KIF13B: variants seen among roughly 807,000 people sequenced by gnomAD.
The protein encoded by KIF13B is kinesin family member 13B.
In KIF13B, 127 loss-of-function variants were observed where a neutral mutation model predicts 222.0. The observed-to-expected ratio is 0.57, with a 90% CI of 0.50 to 0.66. The LOEUF (loss-of-function observed/expected upper bound fraction) is 0.66. KIF13B is among the 30% of genes least tolerant of loss of function. The probability of loss-of-function intolerance (pLI) is 0.00; values close to 1 mark genes in which losing one functional copy is unlikely to be tolerated. For synonymous variants in KIF13B, 976 were observed against 919.0 expected (o/e 1.06, Z -1.12); for missense variants, 2,173 against 2,379.0 (o/e 0.91, Z 1.80).
At chr8:29,134,553 T>C (rs1336609560) in intron 21 of KIF13B, among the ~76,000 whole-genome samples, 1 of 152,226 alleles carries the variant, frequency 6.6e-6, no homozygotes, top group Admixed American at 6.5e-5. Flanking sequence ...TTCAATGATA[T>C]GAACTTGGCT....
At chr8:29,175,400 G>A (rs778323808) in intron 10 of KIF13B, among the ~76,000 whole-genome samples, 11 of 151,988 alleles carry the variant, frequency 7.2e-5, no homozygotes, top group Non-Finnish European at 1.3e-4. Context: ...TCTCCCTTAC[G>A]AGCCAGAGAG....
chr8:29,159,025 C>T (rs755452135), intron 13 of KIF13B, among the ~76,000 whole-genome samples: 2 of 152,208 alleles, frequency 1.3e-5, no homozygotes, highest in Non-Finnish European at 2.9e-5. Context: ...ATTCTAACAT[C>T]GCATCTCTTC....
chr8:29,135,896 ACAAACAAG>A (rs1212889259), intron 21 of KIF13B, among the ~76,000 whole-genome samples: 3 of 152,308 alleles, frequency 2.0e-5, no homozygotes, highest in East Asian at 1.9e-4. Context: ...GTCTCAAAAA[ACAAACAAG>A]CAAACAAGCA....
At chr8:29,156,504 A>C (rs1271656998) in intron 13 of KIF13B, among the ~76,000 whole-genome samples, 2 of 151,340 alleles carry the variant, frequency 1.3e-5, no homozygotes, top group African/African-American at 2.4e-5. Context: ...AGTCTTAGTC[A>C]CTTATTTTTT....
chr8:29,181,374 T>A (rs1403234551), intron 7 of KIF13B, among the ~76,000 whole-genome samples: 1 of 152,166 alleles, frequency 6.6e-6, no homozygotes, highest in African/African-American at 2.4e-5. Flanking sequence ...GCACCTACCA[T>A]AGGACAGGTA....
intron 31 of KIF13B, among the ~76,000 whole-genome samples, chr8:29,115,093 A>G (rs993830250): frequency 3.9e-5 from 6 of 152,192 alleles, no homozygotes; most frequent in African/African-American, 7.2e-5. Flanking sequence ...TCTTCATTTC[A>G]AAGATTGATA....
At chr8:29,189,994 T>C (rs1169712143) in intron 4 of KIF13B, 2 of 152,246 alleles carry the variant, frequency 1.3e-5, no homozygotes, top group African/African-American at 2.4e-5. Flanking sequence ...AAAAGAATCC[T>C]ATGGTACTCA....
At chr8:29,087,724 C>G (rs1483263242) in intron 37 of KIF13B, among the ~76,000 whole-genome samples, 4 of 152,100 alleles carry the variant, frequency 2.6e-5, no homozygotes, top group Admixed American at 2.6e-4. Flanking sequence ...CTGGACTCCT[C>G]ACTTTAGGAA....
chr8:29,224,910 A>C (rs1814953114), intron 2 of KIF13B, among the ~76,000 whole-genome samples: 1 of 152,240 alleles, frequency 6.6e-6, no homozygotes, highest in South Asian at 2.1e-4. Flanking sequence ...AGGACTTATG[A>C]GGAGTTCCAA....
In KIF13B at chr8:29,196,477, C is replaced by T. The variant is rs74679882; in HGVS notation, c.150-278G>A. 6.7e-3 allele frequency among the ~76,000 whole-genome samples: 1,018 copies of T among 152,246 alleles called. 10 individuals carry two copies. The highest frequency in any genetic ancestry group is 0.024 in the African/African-American group (984 of 41,560). On this transcript the variant is annotated intron_variant, in intron 2 of 39. Coordinates refer to ENST00000524189, the MANE Select transcript of KIF13B (RefSeq NM_015254.4). ...AATAATTTCAACAGTCCTAATATTT[C>T]TGCCTTATAGATTTTGCTTTTATCT...
intron 22 of KIF13B, 91 bp downstream of exon 22, chr8:29,133,949 G>A (rs572903476): frequency 3.9e-5 from 48 of 1,241,014 alleles, no homozygotes; most frequent in African/African-American, 2.9e-4. Context: ...GACATATAAC[G>A]GCACATTTAG....
At chr8:29,214,822 G>A (rs1163514429) in intron 2 of KIF13B, among the ~76,000 whole-genome samples, 1 of 152,130 alleles carries the variant, frequency 6.6e-6, no homozygotes, top group Non-Finnish European at 1.5e-5. Flanking sequence ...TTTACCAATG[G>A]CTGTGATGCC....
At chr8:29,119,361 C>T (rs1439344050) in intron 29 of KIF13B, among the ~76,000 whole-genome samples, 1 of 152,118 alleles carries the variant, frequency 6.6e-6, no homozygotes, top group Non-Finnish European at 1.5e-5. Context: ...TGATTCCAGG[C>T]ACCTGACAGC....
intron 12 of KIF13B, 52 bp from the exon 13 acceptor site, chr8:29,160,919 A>AT: frequency 6.6e-7 from 1 of 1,518,470 alleles, no homozygotes; most frequent in Non-Finnish European, 9.1e-7. Flanking sequence ...AGGCAGTGAG[A>AT]TATCCAAGCG....
chr8:29,108,022 A>G, intron 35 of KIF13B, 117 bp downstream of exon 35: 1 of 793,984 alleles, frequency 1.3e-6, no homozygotes. Context: ...TAAGTTTCAC[A>G]TAATACAGAT....
chr8:29,146,274 T>TG, intron 18 of KIF13B, 104 bp downstream of exon 18: 1 of 1,154,470 alleles, frequency 8.7e-7, no homozygotes, highest in South Asian at 1.2e-5. Context: ...GATCTGGACT[T>TG]GGGGCAGGCA....
At chr8:29,170,796 G>A (rs1309625139) in intron 10 of KIF13B, among the ~76,000 whole-genome samples, 2 of 152,220 alleles carry the variant, frequency 1.3e-5, no homozygotes, top group African/African-American at 4.8e-5. Context: ...TGGACTCTGT[G>A]GCTGGGCGCA....
chr8:29,263,056 G>A lies in KIF13B; in HGVS notation c.-22C>T. 6.3e-7 allele frequency: 1 copy of A among 1,579,868 alleles called. No individual in the cohort carries two copies. The highest frequency in any genetic ancestry group is 1.2e-5 in the South Asian group (1 of 86,010). On this transcript the variant is annotated 5_prime_UTR_variant, in exon 1 of 40. The change creates a new upstream start codon in the 5' untranslated region. Transcript: ENST00000524189. Reference sequence around the variant, plus strand: ...CCATCCTGCAGCCGCCGAGGAACTCGTTCGGCTTCCGTCTGCCGCGGCCAC... The same window carrying A: ...CCATCCTGCAGCCGCCGAGGAACTCATTCGGCTTCCGTCTGCCGCGGCCAC...
chr8:29,140,156 G>A lies in KIF13B; in HGVS notation c.2520C>T (p.Leu840=), dbSNP rs1586831559. Residue 840 remains leucine, a synonymous_variant, in exon 21 of 40, where the codon CTC becomes CTT. Transcript: ENST00000524189. ...CGATCCTCTCCCCAACATCACCACTGAGTCGCATCACCTCCACGTGCAGCC... is the reference window on the plus strand; with the variant it reads ...CGATCCTCTCCCCAACATCACCACTAAGTCGCATCACCTCCACGTGCAGCC... ...AGRLHVEVMR[L]SGDVGERIAG... 6.2e-7 allele frequency: 1 copy of A among 1,613,708 alleles called. No homozygotes were observed. The highest frequency in any genetic ancestry group is 8.5e-7 in the Non-Finnish European group (1 of 1,179,860).
Sources: allele counts gnomAD v4.1 joint callset (sites outside exome capture counted in the v4.1 genomes callset), GRCh38; gene constraint gnomAD v4.1.1; transcripts MANE v1.5; gene names NCBI Gene and HGNC (gene_info 2026-07-23, HGNC 2026-07-21).